The following KCTD14 variants were observed in gnomAD, a reference collection of about 807,000 sequenced individuals.
The protein encoded by KCTD14 is potassium channel tetramerization domain containing 14, also known as BTB/POZ domain-containing protein KCTD14.
Under a neutral mutation model 5.9 loss-of-function variants are expected in KCTD14, and 7 were observed. That is an observed-to-expected ratio of 1.19 (90% CI 0.68 to 2.23). The LOEUF (loss-of-function observed/expected upper bound fraction) is 2.23, where lower values mean the gene tolerates loss of function less well. Among genes scored for constraint, KCTD14 ranks in the 30% most tolerant of loss-of-function variants. The pLI, the probability that KCTD14 is intolerant of heterozygous loss-of-function variation, is 0.00. For synonymous variants in KCTD14, 140 were observed against 133.1 expected, an observed-to-expected ratio of 1.05 and a Z score of -0.36; for missense variants, 342 against 332.2, an observed-to-expected ratio of 1.03 and a Z score of -0.23.
Position 78,023,191 on chromosome 11 carries a change from A to G in KCTD14, c.59T>C (p.Leu20Pro), listed in dbSNP as rs1001313083. The G allele has an allele frequency of 8.1e-6, 13 of 1,605,390 alleles. No individual in the cohort carries two copies. Among genetic ancestry groups the G allele is most frequent in the Non-Finnish European group, 1.1e-5 (13 of 1,178,120 alleles). Residue 20 changes from leucine (L) to proline (P), a missense_variant, in exon 1 of 2, where the codon CTG becomes CCG. Transcript: ENST00000353172. ...CCGCCTGGGCCGGGGGGACTGGGGC[A>G]GAGGGGTCTGGCTCGTCATCCTGCC... Reference protein sequence around the residue: ...PVGRMTSQTPLPQSPRPRRPT... With the variant: ...PVGRMTSQTPPPQSPRPRRPT...
intron 1 of KCTD14, among the ~76,000 whole-genome samples, chr11:78,020,036 A>C (rs897190787): frequency 6.6e-6 from 1 of 152,220 alleles, no homozygotes; most frequent in Non-Finnish European, 1.5e-5. Context: ...AGAACAGGAC[A>C]CAGTCCCTGC....
chr11:78,031,683 CA>C (rs1857621613), intron 2 of KCTD14, among the ~76,000 whole-genome samples: 1 of 152,160 alleles, frequency 6.6e-6, no homozygotes, highest in Non-Finnish European at 1.5e-5. Flanking sequence ...CCACAGCACC[CA>C]GCCCGTAATC....
chr11:78,026,099 C>A (rs778701558), upstream of KCTD14, among the ~76,000 whole-genome samples: 6 of 152,120 alleles, frequency 3.9e-5, no homozygotes, highest in Non-Finnish European at 5.9e-5. Context: ...GTCATGTGCC[C>A]AAGGTGGTCA....
upstream of KCTD14, chr11:78,023,639 A>G: frequency 5.4e-6 from 1 of 186,058 alleles, no homozygotes; most frequent in Non-Finnish European, 1.1e-5. Context: ...CAGCCTCCCA[A>G]AGTGGTGGGA....
intron 1 of KCTD14, among the ~76,000 whole-genome samples, chr11:78,040,756 C>T (rs770019731): frequency 6.6e-6 from 1 of 152,072 alleles, no homozygotes; most frequent in African/African-American, 2.4e-5. Flanking sequence ...CTGCAACCTC[C>T]GCCTTCCGGG....
At chr11:78,031,237 G>A (rs1857605164) in intron 2 of KCTD14, among the ~76,000 whole-genome samples, 1 of 151,360 alleles carries the variant, frequency 6.6e-6, no homozygotes, top group African/African-American at 2.4e-5. Context: ...TTGTAGAGAT[G>A]GTGTCTCACT....
intron 2 of KCTD14, chr11:78,038,605 TCTC>T: frequency 1.3e-6 from 2 of 1,527,520 alleles, no homozygotes; most frequent in Non-Finnish European, 1.8e-6. Context: ...GTGAACAGCT[TCTC>T]CACCATCTCA....
intron 1 of KCTD14, among the ~76,000 whole-genome samples, chr11:78,018,702 A>T (rs547210899): frequency 6.9e-5 from 6 of 87,204 alleles, no homozygotes; most frequent in Non-Finnish European, 4.8e-5. Context: ...ATGAGAGTCC[A>T]ACTCAAAAAA....
At position 78,016,917 on chromosome 11, in the gene KCTD14, G is replaced by A. The variant is rs1176244513; in HGVS notation, c.444C>T (p.Asn148=). ...GTGCCAGGCGCACCATGAGCTCCAG[G>A]TTCTCGCTGTAGCCCGGCACTTGCA... is the stretch of plus-strand genomic sequence containing the variant. ...FLLQVPGYSE[N]LELMVRLARA... Residue 148 remains asparagine (N), a synonymous_variant, in exon 2 of 2, where the codon AAC becomes AAT. Transcript: ENST00000353172. 1.2e-6 allele frequency: 2 copies of A among 1,614,238 alleles called. No homozygotes were observed. The highest frequency in any genetic ancestry group is 3.3e-5 in the Admixed American group (2 of 60,024).
In KCTD14 at chr11:78,016,538, A is replaced by C; in HGVS notation, c.*55T>G. The C allele has an allele frequency of 1.3e-6, 2 of 1,482,272 alleles. No homozygotes were observed. Among genetic ancestry groups the C allele is most frequent in the South Asian group, 2.5e-5 (2 of 78,692 alleles). The allele number at this position is 1,482,272 out of a possible 1,614,324, so 91.8% of individuals were successfully genotyped here. A position where few individuals can be genotyped will look rare whatever the true frequency, so the allele number is the denominator to read the frequency against. On this transcript the variant is annotated 3_prime_UTR_variant, in exon 2 of 2. Transcript: ENST00000353172. ...ATTAAAAGAAAATGGCTTTGATGGC[A>C]ACTTTTAATTTCATAAGCCACGCCA...
At chr11:78,044,263 G>T (rs1454302247) in intron 1 of KCTD14, among the ~76,000 whole-genome samples, 1 of 152,136 alleles carries the variant, frequency 6.6e-6, no homozygotes, top group Non-Finnish European at 1.5e-5. Flanking sequence ...TCTGGAATCT[G>T]CCTGGCACCT....
chr11:78,023,289 G>T (rs771273763), upstream of KCTD14: 8 of 1,593,362 alleles, frequency 5.0e-6, no homozygotes, highest in Non-Finnish European at 6.8e-6. Context: ...CTGGCTGCCC[G>T]CCCCTAGGTG....
At chr11:78,019,460 G>T (rs1417261936) in intron 1 of KCTD14, among the ~76,000 whole-genome samples, 1 of 151,920 alleles carries the variant, frequency 6.6e-6, no homozygotes, top group East Asian at 1.9e-4. Flanking sequence ...GGGACTACAG[G>T]ACATTCAACA....
Position 78,017,042 on chromosome 11 carries a change from A to G in KCTD14, c.319T>C (p.Tyr107His). 1.9e-6 allele frequency: 3 copies of G among 1,614,218 alleles called. No individual in the cohort carries two copies. Among genetic ancestry groups the G allele is most frequent in the South Asian group, 2.2e-5 (2 of 91,086 alleles). Reference sequence around the variant, plus strand: ...ATTTCGTAGAACTGAGCCTCACGGTACACTTCAGGGATGTGCTGTGTGGGC... The same window carrying G: ...ATTTCGTAGAACTGAGCCTCACGGTGCACTTCAGGGATGTGCTGTGTGGGC... The part of the protein sequence containing the change: ...QVPTQHIPEV[Y>H]REAQFYEIKP... The change falls in exon 2 of 2, where the codon TAC becomes CAC. Residue 107 changes from tyrosine to histidine, a missense_variant. Tyr to His is a moderately conservative substitution (Grantham distance 83). Transcript: ENST00000353172.
chr11:78,044,500 A>T (rs901445715), intron 1 of KCTD14, among the ~76,000 whole-genome samples: 1 of 152,146 alleles, frequency 6.6e-6, no homozygotes, highest in African/African-American at 2.4e-5. Context: ...TCTTCCGCCC[A>T]CTGCACAGAC....
Position 78,017,250 on chromosome 11 carries a change from C to T in KCTD14, c.111G>A (p.Leu37=). 6.2e-7 allele frequency: 1 copy of T among 1,602,344 alleles called. No homozygotes were observed. The highest frequency in any genetic ancestry group is 8.5e-7 in the Non-Finnish European group (1 of 1,171,218). The change falls in exon 2 of 2, where the codon CTG becomes CTA. Residue 37 remains leucine, a synonymous_variant. Transcript: ENST00000353172. ...TGGTGTGGAACTCACCCCCGACGTT[C>T]AGCTCCACAACAGTAGACATCTGGG... The part of the protein sequence containing the change: ...RRPTMSTVVE[L]NVGGEFHTTT...
rs1857180354 is a variant in KCTD14 at position 78,016,903 on chromosome 11, A to C, written c.458T>G (p.Val153Gly). Residue 153 changes from valine (V) to glycine (G), a missense_variant, in exon 2 of 2, where the codon GTG becomes GGG. By Grantham distance (109) the Val-to-Gly change is moderately radical (BLOSUM62 -3). Coordinates refer to ENST00000353172, the MANE Select transcript of KCTD14 (RefSeq NM_023930.4). ...TATGGCTTCTGCACGTGCCAGGCGC[A>C]CCATGAGCTCCAGGTTCTCGCTGTA... ...PGYSENLELM[V>G]RLARAEAITA... 6.2e-7 allele frequency: 1 copy of C among 1,614,172 alleles called. No individual in the cohort carries two copies. Among genetic ancestry groups the C allele is most frequent in the Non-Finnish European group, 8.5e-7 (1 of 1,179,990 alleles).
chr11:78,028,217 T>C (rs1857518090), upstream of KCTD14, among the ~76,000 whole-genome samples: 1 of 152,150 alleles, frequency 6.6e-6, no homozygotes, highest in African/African-American at 2.4e-5. Flanking sequence ...GAAATTTCAA[T>C]AGAGGGACAT....
At chr11:78,035,018 C>G (rs180857875) in intron 2 of KCTD14, among the ~76,000 whole-genome samples, 33 of 152,298 alleles carry the variant, frequency 2.2e-4, no homozygotes, top group Admixed American at 1.6e-3. Context: ...TGATTGCCGG[C>G]TATCATTTGA....
Sources: allele counts gnomAD v4.1 joint callset (sites outside exome capture counted in the v4.1 genomes callset), GRCh38; gene constraint gnomAD v4.1.1; transcripts MANE v1.5; gene names NCBI Gene and HGNC (gene_info 2026-07-23, HGNC 2026-07-21).